Variants in PCBP3 observed in about 807,000 individuals in gnomAD.
The protein encoded by PCBP3 is poly(rC) binding protein 3.
A neutral mutation model predicts 52.7 loss-of-function variants in PCBP3; 25 were observed. That is an observed-to-expected ratio of 0.47 (90% CI 0.35 to 0.66). PCBP3 has a LOEUF of 0.66. PCBP3 is among the 30% of genes least tolerant of loss of function. The pLI, the probability that PCBP3 is intolerant of heterozygous loss-of-function variation, is 0.01. For missense variants in PCBP3, 391 were observed against 490.3 expected (o/e 0.80, Z 1.91); for synonymous variants, 162 against 183.0 (o/e 0.89, Z 0.93).
At chr21:45,935,355 C>T (rs2076775665) in intron 16 of PCBP3, 50 bp downstream of exon 16, 2 of 1,383,834 alleles carry the variant, frequency 1.4e-6, no homozygotes, top group African/African-American at 1.4e-5. Context: ...ACACCAGGCA[C>T]AAGTGGCTGT....
At chr21:45,925,084 C>G (rs113313718) in intron 13 of PCBP3, among the ~76,000 whole-genome samples, 1 of 76,086 alleles carries the variant, frequency 1.3e-5, no homozygotes, top group Non-Finnish European at 2.6e-5. Flanking sequence ...TGAGGAGATG[C>G]GAACACCGGG....
At chr21:45,810,801 G>T (rs1385484763) in intron 4 of PCBP3, among the ~76,000 whole-genome samples, 1 of 152,162 alleles carries the variant, frequency 6.6e-6, no homozygotes, top group Non-Finnish European at 1.5e-5. Flanking sequence ...GAGTCTTCTT[G>T]TCGGGAAGGT....
intron 5 of PCBP3, among the ~76,000 whole-genome samples, chr21:45,860,537 A>G (rs1347815190): frequency 6.6e-6 from 1 of 152,182 alleles, no homozygotes; most frequent in Admixed American, 6.5e-5. Flanking sequence ...TCCATGGAGA[A>G]ATGGCAGATT....
intron 1 of PCBP3, among the ~76,000 whole-genome samples, chr21:45,646,873 C>A (rs920542644): frequency 2.0e-5 from 3 of 152,198 alleles, no homozygotes; most frequent in African/African-American, 7.2e-5. Context: ...CTCAGCCTTT[C>A]CTGGCGATGG....
intron 5 of PCBP3, among the ~76,000 whole-genome samples, chr21:45,873,670 C>A (rs1247489766): frequency 6.6e-6 from 1 of 152,234 alleles, no homozygotes; most frequent in African/African-American, 2.4e-5. Context: ...TGCAGGGGAC[C>A]ACGCGCTGGG....
chr21:45,911,246 G>A (rs775590429), intron 11 of PCBP3: 3 of 638,588 alleles, frequency 4.7e-6, no homozygotes, highest in Admixed American at 2.3e-5. Context: ...TCTTCGTGGG[G>A]GCGTCTAGGG....
At chr21:45,682,234 A>G (rs578207897) in intron 2 of PCBP3, among the ~76,000 whole-genome samples, 2 of 152,270 alleles carry the variant, frequency 1.3e-5, no homozygotes, top group African/African-American at 4.8e-5. Flanking sequence ...TTATGGTACT[A>G]TGAACACCCA....
chr21:45,814,026 G>A (rs1460420505), intron 4 of PCBP3, among the ~76,000 whole-genome samples: 1 of 152,226 alleles, frequency 6.6e-6, no homozygotes, highest in Admixed American at 6.5e-5. Flanking sequence ...CCTAGCTGGT[G>A]CAGCCCACTA....
Position 45,886,141 on chromosome 21 carries a change from C to A in PCBP3, c.11-10067C>A, listed in dbSNP as rs75532032. Reference sequence around the variant, plus strand: ...TGCCGCTGGTACCAAGGACAGAGGACATGGTGAGGTGTGGAGGAGGCCTCG... The same window carrying A: ...TGCCGCTGGTACCAAGGACAGAGGAAATGGTGAGGTGTGGAGGAGGCCTCG... On this transcript the variant is annotated intron_variant, in intron 5 of 17. Transcript: ENST00000681687. Among the ~76,000 whole-genome samples the A allele has an allele frequency of 1.8e-4, 11 of 62,060 alleles. 1 individual carries two copies. The highest frequency in any genetic ancestry group is 4.1e-4 in the Non-Finnish European group (10 of 24,254). 40.7% of individuals were successfully genotyped at this position (62,060 alleles called of 152,430 possible).
chr21:45,734,213 C>T (rs1219869818), intron 2 of PCBP3, among the ~76,000 whole-genome samples: 2 of 152,230 alleles, frequency 1.3e-5, no homozygotes, highest in Non-Finnish European at 2.9e-5. Flanking sequence ...GTCCCCTGTA[C>T]TGCAAGGCTC....
intron 1 of PCBP3, among the ~76,000 whole-genome samples, chr21:45,661,883 C>G (rs1297993884): frequency 6.6e-6 from 1 of 152,134 alleles, no homozygotes; most frequent in South Asian, 2.1e-4. Context: ...TTGCATTTCT[C>G]TGGTGATTAG....
chr21:45,650,205 G>T (rs1204672606), intron 1 of PCBP3, among the ~76,000 whole-genome samples: 1 of 152,016 alleles, frequency 6.6e-6, no homozygotes, highest in East Asian at 1.9e-4. Context: ...GGGCATGGTG[G>T]CATGCATCTG....
chr21:45,850,235 C>A, intron 5 of PCBP3, 140 bp downstream of exon 5: 1 of 748,940 alleles, frequency 1.3e-6, no homozygotes, highest in East Asian at 2.7e-5. Flanking sequence ...ACAATGTGCC[C>A]TGAAGACTAT....
chr21:45,864,935 T>C (rs1196947940), intron 5 of PCBP3, among the ~76,000 whole-genome samples: 1 of 152,244 alleles, frequency 6.6e-6, no homozygotes. Context: ...GTGAAAGTAA[T>C]GCCTTTTGAA....
intron 5 of PCBP3, chr21:45,854,077 C>G (rs1185408598): frequency 6.6e-6 from 1 of 151,870 alleles, no homozygotes; most frequent in African/African-American, 2.4e-5. Context: ...GAAGTTGGGC[C>G]TGGGAGAGAG....
intron 2 of PCBP3, among the ~76,000 whole-genome samples, chr21:45,693,861 A>G (rs1013560693): frequency 1.3e-5 from 2 of 152,162 alleles, no homozygotes; most frequent in African/African-American, 4.8e-5. Context: ...AACACAAGAA[A>G]GGGTAAATAT....
intron 2 of PCBP3, among the ~76,000 whole-genome samples, chr21:45,695,206 C>T (rs1000976156): frequency 5.9e-5 from 9 of 152,152 alleles, no homozygotes; most frequent in African/African-American, 1.9e-4. Context: ...TGTCTTGGCC[C>T]CGTTTGTTGA....
chr21:45,730,669 A>G (rs951557422), intron 2 of PCBP3, among the ~76,000 whole-genome samples: 2 of 152,114 alleles, frequency 1.3e-5, no homozygotes, highest in East Asian at 3.8e-4. Flanking sequence ...GGATTTATCT[A>G]TTTGGTGGGG....
intron 5 of PCBP3, among the ~76,000 whole-genome samples, chr21:45,858,180 G>T (rs1049917721): frequency 1.3e-5 from 2 of 152,236 alleles, no homozygotes; most frequent in African/African-American, 4.8e-5. Flanking sequence ...GGACTCGCCA[G>T]GGAGAGAGAC....
Sources: allele counts gnomAD v4.1 joint callset (sites outside exome capture counted in the v4.1 genomes callset), GRCh38; gene constraint gnomAD v4.1.1; transcripts MANE v1.5; gene names NCBI Gene and HGNC (gene_info 2026-07-23, HGNC 2026-07-21).